LIPI: variants seen among roughly 807,000 people sequenced by gnomAD.
LIPI encodes the protein lipase I, also known as lipase member I.
In LIPI, 59 loss-of-function variants were observed where a neutral mutation model predicts 50.6. That is an observed-to-expected ratio of 1.16 (90% CI 0.94 to 1.45). The LOEUF is 1.45. Among genes scored for constraint, LIPI ranks in the 40% most tolerant of loss-of-function variants. The probability of loss-of-function intolerance (pLI) is 0.00; values close to 1 mark genes in which losing one functional copy is unlikely to be tolerated. For missense variants in LIPI, 586 were observed against 536.3 expected (o/e 1.09, Z -0.92); for synonymous variants, 203 against 178.2 (o/e 1.14, Z -1.11).
chr21:14,178,411 C>A (rs1034152165), intron 4 of LIPI, among the ~76,000 whole-genome samples: 2 of 152,160 alleles, frequency 1.3e-5, no homozygotes, highest in African/African-American at 4.8e-5. Flanking sequence ...TTGCTTCAGT[C>A]TAGAAATTTA....
chr21:14,171,792 G>T (rs2018918617), intron 4 of LIPI, among the ~76,000 whole-genome samples: 5 of 151,674 alleles, frequency 3.3e-5, no homozygotes. Context: ...ATACCATTCA[G>T]GACATAGGCA....
At chr21:14,134,815 T>C (rs1176051987) in intron 9 of LIPI, among the ~76,000 whole-genome samples, 1 of 151,770 alleles carries the variant, frequency 6.6e-6, no homozygotes, top group Middle Eastern at 3.2e-3. Flanking sequence ...CACATAAACA[T>C]AAGACCAGAA....
At chr21:14,145,066 GA>G in intron 8 of LIPI, among the ~76,000 whole-genome samples, 1 of 152,158 alleles carries the variant, frequency 6.6e-6, no homozygotes, top group Non-Finnish European at 1.5e-5. Flanking sequence ...ATGTCTTTCT[GA>G]GTAGATGTCT....
chr21:14,114,410 C>A (rs1008691105), intron 9 of LIPI, among the ~76,000 whole-genome samples: 23 of 152,218 alleles, frequency 1.5e-4, no homozygotes, highest in African/African-American at 5.1e-4. Flanking sequence ...AAAAGACCCA[C>A]AAAGTGCAGG....
chr21:14,120,893 C>T (rs1228068038), intron 9 of LIPI, among the ~76,000 whole-genome samples: 3 of 152,170 alleles, frequency 2.0e-5, no homozygotes, highest in African/African-American at 4.8e-5. Flanking sequence ...ACTGCCATCA[C>T]TCGAGCCATC....
chr21:14,138,264 A>G (rs976502184), intron 9 of LIPI, among the ~76,000 whole-genome samples: 39 of 144,718 alleles, frequency 2.7e-4, no homozygotes, highest in Middle Eastern at 3.4e-3. Flanking sequence ...ATAACAGGAT[A>G]GATAGATAGA....
intron 2 of LIPI, among the ~76,000 whole-genome samples, chr21:14,188,099 C>T (rs1222382998): frequency 6.6e-6 from 1 of 152,148 alleles, no homozygotes; most frequent in Non-Finnish European, 1.5e-5. Flanking sequence ...TTCTTTCTCT[C>T]AAGTACCCAC....
At position 14,210,946 on chromosome 21, in the gene LIPI, G is replaced by A. The variant is rs2020347628; in HGVS notation, c.-101C>T. ...TGGTAGGATCATCACAGGCTGGCAG[G>A]TTCTTCTGTAAAAGTTCACTGATTT... On this transcript the variant is annotated 5_prime_UTR_variant, in exon 1 of 10. Coordinates refer to ENST00000681601, the MANE Select transcript of LIPI (RefSeq NM_001302998.2). 1.7e-5 allele frequency: 18 copies of A among 1,073,574 alleles called. No individual in the cohort carries two copies. Among genetic ancestry groups the A allele is most frequent in the Non-Finnish European group, 1.9e-5 (17 of 880,568 alleles). The allele number at this position is 1,073,574 out of a possible 1,614,324, so 66.5% of individuals were successfully genotyped here.
intron 9 of LIPI, among the ~76,000 whole-genome samples, chr21:14,113,866 C>A (rs1282933898): frequency 6.6e-6 from 1 of 152,102 alleles, no homozygotes; most frequent in Non-Finnish European, 1.5e-5. Context: ...AGAATGAGTG[C>A]CCAGCGAAGG....
intron 9 of LIPI, among the ~76,000 whole-genome samples, chr21:14,117,919 G>A (rs779991405): frequency 3.1e-4 from 47 of 152,070 alleles, no homozygotes; most frequent in South Asian, 8.3e-4. Flanking sequence ...AAGAGAGGCT[G>A]GATTTGCAAG....
intron 9 of LIPI, among the ~76,000 whole-genome samples, chr21:14,113,738 A>G (rs552302238): frequency 2.0e-5 from 3 of 152,332 alleles, no homozygotes; most frequent in Non-Finnish European, 4.4e-5. Flanking sequence ...ACTGCCCAAG[A>G]CTGGGTAATT....
intron 1 of LIPI, 66 bp from the exon 2 acceptor site, chr21:14,189,485 A>T (rs1472538343): frequency 7.0e-7 from 1 of 1,438,078 alleles, no homozygotes; most frequent in East Asian, 2.3e-5. Flanking sequence ...TGCTATTGCA[A>T]AGAACAGAAT....
chr21:14,163,264 A>C (rs933126420), intron 7 of LIPI, among the ~76,000 whole-genome samples, 155 bp downstream of exon 7: 4 of 151,976 alleles, frequency 2.6e-5, no homozygotes, highest in African/African-American at 9.7e-5. Flanking sequence ...TCAAGTCCTT[A>C]GTTGAATTTG....
Position 14,129,832 on chromosome 21 carries a change from T to G in LIPI, c.1295+14791A>C, listed in dbSNP as rs527756350. Among the ~76,000 whole-genome samples, 18 of 150,608 alleles carry G rather than the reference T, an allele frequency of 1.2e-4. 2 individuals carry two copies. The South Asian group carries it at 1.3e-3, about 11-fold the overall frequency. ...TTTAAAAAAAAAAAAAGCTTATTTC[T>G]CACCTTCCTTAAACAATTTGATTCT... On this transcript the variant is annotated intron_variant, in intron 9 of 9. Coordinates refer to ENST00000681601, the MANE Select transcript of LIPI (RefSeq NM_001302998.2).
intron 1 of LIPI, among the ~76,000 whole-genome samples, chr21:14,208,254 C>T (rs1417324251): frequency 2.6e-5 from 4 of 152,166 alleles, no homozygotes; most frequent in Admixed American, 1.3e-4. Flanking sequence ...AGGTGGTCTG[C>T]GTACCCGTAG....
At chr21:14,151,261 T>A (rs2018080355) in intron 8 of LIPI, among the ~76,000 whole-genome samples, 1 of 152,218 alleles carries the variant, frequency 6.6e-6, no homozygotes, top group Admixed American at 6.6e-5. Flanking sequence ...TACTGTAACA[T>A]TAAATACTTT....
chr21:14,176,059 TC>T (rs1340929446), intron 4 of LIPI, among the ~76,000 whole-genome samples: 2 of 151,446 alleles, frequency 1.3e-5, no homozygotes, highest in African/African-American at 4.9e-5. Context: ...GCGCCTGTGG[TC>T]CCAGCTACTC....
intron 9 of LIPI, among the ~76,000 whole-genome samples, chr21:14,130,576 C>T (rs1049652035): frequency 5.9e-5 from 9 of 152,308 alleles, no homozygotes; most frequent in African/African-American, 2.2e-4. Flanking sequence ...ATTCAGCACA[C>T]CTGAGTGGAG....
At chr21:14,206,578 CTT>C (rs35027455) in intron 1 of LIPI, among the ~76,000 whole-genome samples, 5 of 151,186 alleles carry the variant, frequency 3.3e-5, no homozygotes, top group African/African-American at 9.7e-5. Context: ...AGATTTAACC[CTT>C]TTTTTTTCTG....
Sources: allele counts gnomAD v4.1 joint callset (sites outside exome capture counted in the v4.1 genomes callset), GRCh38; gene constraint gnomAD v4.1.1; transcripts MANE v1.5; gene names NCBI Gene and HGNC (gene_info 2026-07-23, HGNC 2026-07-21).